The following PTPRM variants were observed in gnomAD, a reference collection of about 807,000 sequenced individuals.
PTPRM encodes the protein protein tyrosine phosphatase receptor type M.
PTPRM carries 47 observed loss-of-function variants against 186.7 expected under a neutral mutation model. That is an observed-to-expected ratio of 0.25 (90% CI 0.20 to 0.32). PTPRM has a LOEUF of 0.32. Ranked by LOEUF, PTPRM falls within the 10% of genes least tolerant of loss-of-function variation. PTPRM has a pLI of 1.00. For synonymous variants in PTPRM, 668 were observed against 674.9 expected (o/e 0.99, Z 0.16); for missense variants, 1,494 against 1,865.0 (o/e 0.80, Z 3.66).
At chr18:8,401,941 G>T (rs1304481750) in intron 32 of PTPRM, among the ~76,000 whole-genome samples, 1 of 152,240 alleles carries the variant, frequency 6.6e-6, no homozygotes, top group Non-Finnish European at 1.5e-5. Flanking sequence ...GATGTGAGGA[G>T]GACCGGGCCA....
chr18:8,372,056 CTTTTTTTTTTT>C lies in PTPRM; in HGVS notation c.3171+1066_3171+1076del, dbSNP rs557766971. ...TTGGCCTTCCTCTCCACTCTATATT[CTTTTTTTTTTT>C]TTTTTTTTTTTTTTTAAGACGGAGT... On this transcript the variant is annotated intron_variant, in intron 24 of 32. Transcript: ENST00000580170. Among the ~76,000 whole-genome samples the C allele has an allele frequency of 3.2e-4, 19 of 59,060 alleles. 2 individuals carry two copies. Among genetic ancestry groups the C allele is most frequent in the Non-Finnish European group, 6.1e-4 (16 of 26,312 alleles). The allele number at this position is 59,060 out of a possible 152,430, so 38.7% of individuals were successfully genotyped here.
intron 1 of PTPRM, among the ~76,000 whole-genome samples, chr18:7,656,326 A>G (rs2038847299): frequency 6.6e-6 from 1 of 152,220 alleles, no homozygotes; most frequent in South Asian, 2.1e-4. Flanking sequence ...ACAGAAAGAC[A>G]AATTCCAAAT....
intron 7 of PTPRM, among the ~76,000 whole-genome samples, chr18:7,988,227 A>G (rs1282790763): frequency 6.6e-6 from 1 of 152,114 alleles, no homozygotes; most frequent in Non-Finnish European, 1.5e-5. Flanking sequence ...TATCTCAAAA[A>G]AAAACCAAAC....
intron 1 of PTPRM, among the ~76,000 whole-genome samples, chr18:7,594,772 T>A (rs911692061): frequency 1.3e-5 from 2 of 152,096 alleles, no homozygotes; most frequent in Non-Finnish European, 2.9e-5. Context: ...GTGTGCTTTT[T>A]AAAAATCTGG....
chr18:8,065,119 T>C (rs1433078333), intron 7 of PTPRM, among the ~76,000 whole-genome samples: 1 of 152,172 alleles, frequency 6.6e-6, no homozygotes, highest in African/African-American at 2.4e-5. Context: ...TACCCAAATA[T>C]CTCTCACAGG....
chr18:7,779,412 G>C (rs769874081), intron 2 of PTPRM, among the ~76,000 whole-genome samples: 1 of 152,182 alleles, frequency 6.6e-6, no homozygotes, highest in African/African-American at 2.4e-5. Flanking sequence ...GTGGGTGCCC[G>C]TATGAAAGAC....
At chr18:8,308,273 T>C (rs555079977) in intron 20 of PTPRM, among the ~76,000 whole-genome samples, 4 of 152,326 alleles carry the variant, frequency 2.6e-5, no homozygotes, top group African/African-American at 7.2e-5. Flanking sequence ...AATCACCTAA[T>C]TGGCTACAGC....
At chr18:7,951,191 G>A (rs1351417272) in intron 6 of PTPRM, among the ~76,000 whole-genome samples, 1 of 152,134 alleles carries the variant, frequency 6.6e-6, no homozygotes. Flanking sequence ...CTACCCTGTT[G>A]AAAGTGCTCT....
chr18:7,838,106 A>G (rs1263351992), intron 2 of PTPRM, among the ~76,000 whole-genome samples: 1 of 152,176 alleles, frequency 6.6e-6, no homozygotes, highest in Non-Finnish European at 1.5e-5. Context: ...TAATTTATAA[A>G]GAGGTTTCAT....
rs146799218 is a variant in PTPRM at position 8,050,261 on chromosome 18, G to A, written c.1133-19425G>A. 3.4e-4 allele frequency among the ~76,000 whole-genome samples: 52 copies of A among 152,282 alleles called. 1 individual carries two copies. Among genetic ancestry groups the A allele is most frequent in the Non-Finnish European group, 6.6e-4 (45 of 68,020 alleles). On this transcript the variant is annotated intron_variant, in intron 7 of 32. Coordinates refer to ENST00000580170, the MANE Select transcript of PTPRM (RefSeq NM_001105244.2). ...CTGTGATCTCTTTGATAGTTGTGAC[G>A]TAATAATGGAAAGGCTTTATTTCGG...
intron 13 of PTPRM, among the ~76,000 whole-genome samples, chr18:8,136,771 T>C (rs980689583): frequency 1.2e-4 from 17 of 138,464 alleles, no homozygotes; most frequent in African/African-American, 4.5e-4. Context: ...TGATTATGTA[T>C]AATGTGAAGA....
intron 2 of PTPRM, among the ~76,000 whole-genome samples, chr18:7,774,827 G>T (rs369687050): frequency 4.6e-5 from 7 of 152,304 alleles, no homozygotes; most frequent in African/African-American, 1.7e-4. Context: ...ACACCAAAAA[G>T]AATTTTACTT....
At chr18:7,657,131 A>C (rs1598311905) in intron 1 of PTPRM, among the ~76,000 whole-genome samples, 1 of 152,164 alleles carries the variant, frequency 6.6e-6, no homozygotes, top group East Asian at 1.9e-4. Context: ...CTCTTCCTTT[A>C]AAAGATGTTT....
At chr18:8,083,095 T>C (rs1022922131) in intron 9 of PTPRM, among the ~76,000 whole-genome samples, 21 of 152,142 alleles carry the variant, frequency 1.4e-4, no homozygotes, top group African/African-American at 4.1e-4. Context: ...CCTTGTGCTA[T>C]AGCTCTAGGC....
chr18:8,020,804 C>T (rs561643615), intron 7 of PTPRM, among the ~76,000 whole-genome samples: 4 of 152,332 alleles, frequency 2.6e-5, no homozygotes, highest in African/African-American at 9.6e-5. Flanking sequence ...ACACAGTCAA[C>T]ACCCATTTTT....
chr18:8,253,485 C>A (rs2094548048), intron 19 of PTPRM, 71 bp downstream of exon 19: 1 of 1,293,956 alleles, frequency 7.7e-7, no homozygotes. Flanking sequence ...GTGCTCCCAA[C>A]TCAATCAGAA....
At chr18:7,790,252 A>G in intron 2 of PTPRM, among the ~76,000 whole-genome samples, 1 of 152,192 alleles carries the variant, frequency 6.6e-6, no homozygotes, top group East Asian at 1.9e-4. Flanking sequence ...TCCCCAGTAG[A>G]TACGAACAAT....
In PTPRM at chr18:8,125,557, T is replaced by C. The variant is rs577577902; in HGVS notation, c.2167+10730T>C. Among the ~76,000 whole-genome samples, 109 of 152,252 alleles carry C rather than the reference T, an allele frequency of 7.2e-4. 1 individual carries two copies. The highest frequency in any genetic ancestry group is 2.5e-3 in the African/African-American group (106 of 41,570). On this transcript the variant is annotated intron_variant, in intron 13 of 32. Transcript: ENST00000580170. ...TTCATTTTTTTAAAAAAAATTCTGGTTGCTGCCTTCTAAATTGATTTCATT... is the reference window on the plus strand; with the variant it reads ...TTCATTTTTTTAAAAAAAATTCTGGCTGCTGCCTTCTAAATTGATTTCATT...
At chr18:8,384,139 G>C (rs1473563740) in intron 29 of PTPRM, among the ~76,000 whole-genome samples, 2 of 152,192 alleles carry the variant, frequency 1.3e-5, no homozygotes, top group East Asian at 3.8e-4. Flanking sequence ...AGAAAACAAA[G>C]GGAGTCAGTG....
Sources: gnomAD v4.1 joint callset for allele counts (sites outside exome capture counted in the v4.1 genomes callset) on GRCh38, gnomAD v4.1.1 for gene constraint, MANE v1.5 for transcripts, NCBI Gene and HGNC (gene_info 2026-07-23, HGNC 2026-07-21) for gene names.